UMAD1: variants seen among roughly 807,000 people sequenced by gnomAD.
UMAD1 encodes UBAP1-MVB12-associated (UMA)-domain containing protein 1.
A neutral mutation model predicts 6.1 loss-of-function variants in UMAD1; 8 were observed. The ratio of observed to expected loss-of-function variants is 1.30; its 90% CI spans 0.76 to 2.35. The LOEUF is 2.35. Among genes scored for constraint, UMAD1 ranks in the 30% most tolerant of loss-of-function variants. UMAD1 has a pLI of 0.00. For synonymous variants in UMAD1, 56 were observed against 31.4 expected, an observed-to-expected ratio of 1.78 and a Z score of -2.61; for missense variants, 130 against 78.4, an observed-to-expected ratio of 1.66 and a Z score of -2.49.
intron 2 of UMAD1, among the ~76,000 whole-genome samples, chr7:7,685,524 GTCTCC>G (rs1193389367): frequency 2.0e-5 from 3 of 152,012 alleles, no homozygotes; most frequent in African/African-American, 7.3e-5. Context: ...GGCCAGGATG[GTCTCC>G]ATATCCTGAC....
intron 2 of UMAD1, among the ~76,000 whole-genome samples, chr7:7,748,478 A>G (rs900898049): frequency 6.6e-6 from 1 of 152,104 alleles, no homozygotes. Context: ...TCCAGATTGG[A>G]ATATAAATTA....
chr7:7,830,008 CCTT>C lies in UMAD1; in HGVS notation c.156+28270_156+28272del, dbSNP rs1783429380. On this transcript the variant is annotated intron_variant, in intron 3 of 3. Coordinates refer to ENST00000682710, the MANE Select transcript of UMAD1 (RefSeq NM_001302348.2). This position sits in a 1 kb window ranked among gnomAD's most constrained non-coding sequence, Gnocchi z 5.3. ...ATTTACTACAGAGTCTTCCGACAAA[CCTT>C]CTTCCTTCTGACTTTTGCCTTTCTG... Among the ~76,000 whole-genome samples, 1 of 152,176 alleles carries C rather than the reference CCTT, an allele frequency of 6.6e-6. No homozygotes were observed. The highest frequency in any genetic ancestry group is 1.5e-5 in the Non-Finnish European group (1 of 68,028).
chr7:7,652,783 T>C (rs1223714438), intron 1 of UMAD1, among the ~76,000 whole-genome samples: 7 of 152,226 alleles, frequency 4.6e-5, no homozygotes, highest in African/African-American at 1.7e-4. Flanking sequence ...AGTTTGTTCT[T>C]CAATGGGGAG....
At chr7:7,867,930 A>G (rs576523450) in intron 3 of UMAD1, among the ~76,000 whole-genome samples, 4 of 152,224 alleles carry the variant, frequency 2.6e-5, no homozygotes, top group Admixed American at 2.6e-4. Flanking sequence ...GGTTGGATAC[A>G]AATGCAGATA....
intron 2 of UMAD1, among the ~76,000 whole-genome samples, chr7:7,764,514 C>T (rs890309141): frequency 2.0e-5 from 3 of 152,126 alleles, no homozygotes; most frequent in African/African-American, 7.2e-5. Flanking sequence ...GTAGTGTGAA[C>T]TTGTTCATAG....
intron 2 of UMAD1, among the ~76,000 whole-genome samples, chr7:7,714,586 A>G (rs1780845244): frequency 6.6e-6 from 1 of 152,210 alleles, no homozygotes; most frequent in Non-Finnish European, 1.5e-5. Context: ...TGGTAGATTG[A>G]TTTGTAAATA....
chr7:7,865,601 C>T (rs116473231), intron 3 of UMAD1, among the ~76,000 whole-genome samples: 511 of 152,286 alleles, frequency 3.4e-3, no homozygotes, highest in African/African-American at 0.012. Flanking sequence ...TTCACCTGCC[C>T]ATCCCCTTGC....
At chr7:7,745,941 G>T (rs1781565097) in intron 2 of UMAD1, among the ~76,000 whole-genome samples, 1 of 151,924 alleles carries the variant, frequency 6.6e-6, no homozygotes, top group Non-Finnish European at 1.5e-5. Context: ...CCTTCTCATG[G>T]CTCACTGCAC....
intron 3 of UMAD1, among the ~76,000 whole-genome samples, chr7:7,854,063 A>G (rs981037022): frequency 1.3e-5 from 2 of 152,108 alleles, no homozygotes; most frequent in African/African-American, 2.4e-5. Flanking sequence ...ATTTATAAAG[A>G]AAAGAGGTTT....
At chr7:7,669,870 C>T (rs1380842078) in intron 1 of UMAD1, among the ~76,000 whole-genome samples, 1 of 152,144 alleles carries the variant, frequency 6.6e-6, no homozygotes, top group Non-Finnish European at 1.5e-5. Flanking sequence ...TTATTCCTGA[C>T]CTGTTTTTTT....
At chr7:7,753,635 T>C (rs1447906635) in intron 2 of UMAD1, among the ~76,000 whole-genome samples, 1 of 147,396 alleles carries the variant, frequency 6.8e-6, no homozygotes, top group African/African-American at 2.5e-5. Flanking sequence ...TCATACTCCA[T>C]TGTGTATAAA....
intron 2 of UMAD1, among the ~76,000 whole-genome samples, chr7:7,764,881 C>A (rs1781955405): frequency 1.3e-5 from 2 of 152,124 alleles, no homozygotes; most frequent in Non-Finnish European, 2.9e-5. Context: ...CCTGCTGTTT[C>A]TTTTGAAGCA....
chr7:7,644,863 G>C (rs1322000571), intron 1 of UMAD1, among the ~76,000 whole-genome samples: 1 of 152,116 alleles, frequency 6.6e-6, no homozygotes, highest in African/African-American at 2.4e-5. Flanking sequence ...AACTGTGTTG[G>C]AATTTTGATC....
At position 7,830,942 on chromosome 7, in the gene UMAD1, T is replaced by C. The variant is rs1337641032; in HGVS notation, c.156+29199T>C. On this transcript the variant is annotated intron_variant, in intron 3 of 3. Coordinates refer to ENST00000682710, the MANE Select transcript of UMAD1 (RefSeq NM_001302348.2). The surrounding 1 kb of genome is among the most constrained non-coding windows in gnomAD (Gnocchi z 5.3). ...ATTTCCTCATGTGGCTACAAGAATA[T>C]TTTTTAATTATAAAAAATATACCAG... Among the ~76,000 whole-genome samples, 1 of 152,184 alleles carries C rather than the reference T, an allele frequency of 6.6e-6. No individual in the cohort carries two copies. Among genetic ancestry groups the C allele is most frequent in the South Asian group, 2.1e-4 (1 of 4,828 alleles).
At chr7:7,739,898 G>T (rs1263439601) in intron 2 of UMAD1, among the ~76,000 whole-genome samples, 1 of 152,232 alleles carries the variant, frequency 6.6e-6, no homozygotes, top group Non-Finnish European at 1.5e-5. Flanking sequence ...GAGAGCACAG[G>T]AAGATTAACC....
At chr7:7,696,430 T>G (rs1366598547) in intron 2 of UMAD1, among the ~76,000 whole-genome samples, 2 of 152,172 alleles carry the variant, frequency 1.3e-5, no homozygotes, top group Non-Finnish European at 2.9e-5. Flanking sequence ...AAAATACTTC[T>G]TAGAAGTCCT....
chr7:7,876,718 T>C (rs1784426672), intron 3 of UMAD1, among the ~76,000 whole-genome samples: 1 of 152,146 alleles, frequency 6.6e-6, no homozygotes, highest in Admixed American at 6.5e-5. Context: ...TACTGTCAAA[T>C]AGTAAAGTGT....
chr7:7,742,353 G>A, intron 2 of UMAD1: 1 of 604,162 alleles, frequency 1.7e-6, no homozygotes, highest in Non-Finnish European at 3.2e-6. Context: ...TTTCTCCTGG[G>A]GGCGCTCTTC....
At chr7:7,774,677 G>C (rs1157212913) in intron 2 of UMAD1, among the ~76,000 whole-genome samples, 1 of 152,136 alleles carries the variant, frequency 6.6e-6, no homozygotes. Context: ...AAAGCTGTTT[G>C]ATAATCCCAC....
Sources: gnomAD v4.1 joint callset for allele counts (sites outside exome capture counted in the v4.1 genomes callset) on GRCh38, gnomAD v4.1.1 for gene constraint, Gnocchi (gnomAD v3.1) non-coding constraint, MANE v1.5 for transcripts, NCBI Gene and HGNC (gene_info 2026-07-23, HGNC 2026-07-21) for gene names.